Variants in FREM3 observed in about 807,000 individuals in gnomAD.
FREM3 encodes the protein FRAS1 related extracellular matrix 3, also known as FRAS1-related extracellular matrix protein 3.
Under a neutral mutation model 129.1 loss-of-function variants are expected in FREM3, and 105 were observed. That is an observed-to-expected ratio of 0.81 (90% CI 0.69 to 0.96). The LOEUF (loss-of-function observed/expected upper bound fraction) is 0.96, where lower values mean the gene tolerates loss of function less well. Among genes scored for constraint, FREM3 ranks in the 40% least tolerant of loss-of-function variants. FREM3 has a pLI of 0.00. For missense variants in FREM3, 2,593 were observed against 2,666.3 expected, an observed-to-expected ratio of 0.97 and a Z score of 0.61; for synonymous variants, 1,014 against 1,044.9, an observed-to-expected ratio of 0.97 and a Z score of 0.57.
At chr4:143,685,908 A>G (rs766245174) in intron 2 of FREM3, among the ~76,000 whole-genome samples, 2 of 152,170 alleles carry the variant, frequency 1.3e-5, no homozygotes, top group African/African-American at 4.8e-5. Context: ...GAAATACCTA[A>G]TGTAGATGAT....
intron 2 of FREM3, among the ~76,000 whole-genome samples, chr4:143,683,111 C>T (rs904978472): frequency 2.0e-5 from 3 of 152,168 alleles, no homozygotes; most frequent in African/African-American, 7.2e-5. Flanking sequence ...ACCCTAAAGT[C>T]GCACAAGAAC....
At chr4:143,622,091 CTTTT>C (rs35974796) in intron 4 of FREM3, among the ~76,000 whole-genome samples, 3 of 137,338 alleles carry the variant, frequency 2.2e-5, no homozygotes, top group Admixed American at 7.3e-5. Context: ...AGGCAATCAC[CTTTT>C]TTTTTTTTTT....
At chr4:143,634,857 G>A (rs1021208738) in intron 2 of FREM3, among the ~76,000 whole-genome samples, 4 of 152,052 alleles carry the variant, frequency 2.6e-5, no homozygotes, top group African/African-American at 9.7e-5. Flanking sequence ...GGGATGAGGG[G>A]ATGTCACTGT....
At chr4:143,646,073 G>T (rs1443830942) in intron 2 of FREM3, among the ~76,000 whole-genome samples, 3 of 152,060 alleles carry the variant, frequency 2.0e-5, no homozygotes, top group African/African-American at 7.2e-5. Flanking sequence ...TACCTAATTT[G>T]CCTAAAGCAC....
At chr4:143,626,593 C>A (rs918023462) in intron 3 of FREM3, among the ~76,000 whole-genome samples, 4 of 152,100 alleles carry the variant, frequency 2.6e-5, no homozygotes, top group African/African-American at 9.7e-5. Flanking sequence ...AGGAGGGAGG[C>A]ATATTTCAGC....
Position 143,624,863 on chromosome 4 carries a change from C to A in FREM3, c.5423-525G>T, listed in dbSNP as rs1266503303. ...TTGTATCTGATAATTTCAATTTCTG[C>A]AGCCTTTGGAAGACTGACCCTGAAG... On this transcript the variant is annotated intron_variant, in intron 3 of 7. Coordinates refer to ENST00000329798, the MANE Select transcript of FREM3 (RefSeq NM_001168235.2). Among the ~76,000 whole-genome samples, 3 of 152,142 alleles carry A rather than the reference C, an allele frequency of 2.0e-5. No individual in the cohort carries two copies. In the East Asian group the frequency reaches 5.8e-4, roughly 29 times the overall value.
Position 143,577,501 on chromosome 4 carries a change from G to T in FREM3, c.*110C>A, listed in dbSNP as rs1171512325. The T allele has an allele frequency of 1.0e-6, 1 of 996,894 alleles. No individual in the cohort carries two copies. The highest frequency in any genetic ancestry group is 1.4e-6 in the Non-Finnish European group (1 of 694,328). The allele number at this position is 996,894 out of a possible 1,614,324, so 61.8% of individuals were successfully genotyped here. A position where few individuals can be genotyped will look rare whatever the true frequency, so the allele number is the denominator to read the frequency against. On this transcript the variant is annotated 3_prime_UTR_variant, in exon 8 of 8. Coordinates refer to ENST00000329798, the MANE Select transcript of FREM3 (RefSeq NM_001168235.2). ...CATATCACCAGAATATAACACCAAT[G>T]ACAGTACAATATCACTGATATCCCA...
chr4:143,663,605 G>T (rs2149853284), intron 2 of FREM3, among the ~76,000 whole-genome samples: 1 of 152,158 alleles, frequency 6.6e-6, no homozygotes, highest in South Asian at 2.1e-4. Flanking sequence ...GGCATTCTCT[G>T]TATTTCCTGA....
At chr4:143,639,169 A>G (rs147153772) in intron 2 of FREM3, among the ~76,000 whole-genome samples, 12 of 152,288 alleles carry the variant, frequency 7.9e-5, no homozygotes, top group African/African-American at 2.9e-4. Context: ...CTTCACCCGC[A>G]GAAATCATAG....
chr4:143,638,732 A>G (rs2149845666), intron 2 of FREM3, among the ~76,000 whole-genome samples: 1 of 152,250 alleles, frequency 6.6e-6, no homozygotes, highest in Non-Finnish European at 1.5e-5. Flanking sequence ...TCTACCAATT[A>G]AACATACTGT....
intron 6 of FREM3, among the ~76,000 whole-genome samples, chr4:143,586,378 G>A (rs1738244646): frequency 6.6e-6 from 1 of 152,136 alleles, no homozygotes; most frequent in Non-Finnish European, 1.5e-5. Context: ...TTTTTGGCAG[G>A]GAGAAAATTG....
intron 6 of FREM3, among the ~76,000 whole-genome samples, chr4:143,608,679 A>G (rs1194461127): frequency 6.6e-6 from 1 of 152,212 alleles, no homozygotes. Context: ...CTTGCTTATC[A>G]AAATGTAACT....
chr4:143,609,564 G>A (rs952979517), intron 6 of FREM3, among the ~76,000 whole-genome samples: 5 of 151,978 alleles, frequency 3.3e-5, no homozygotes, highest in Non-Finnish European at 7.4e-5. Context: ...TGTAGCACTC[G>A]GTGTGGGTAA....
intron 2 of FREM3, among the ~76,000 whole-genome samples, chr4:143,661,316 C>T (rs908172422): frequency 6.6e-6 from 1 of 152,150 alleles, no homozygotes; most frequent in African/African-American, 2.4e-5. Flanking sequence ...TGAATTTTGT[C>T]AAAGGCCTTT....
rs1740640413 is a variant in FREM3 at position 143,699,139 on chromosome 4, A to G, written c.1537T>C (p.Tyr513His). The G allele has an allele frequency of 6.5e-7, 1 of 1,537,360 alleles. No homozygotes were observed. Among genetic ancestry groups the G allele is most frequent in the Non-Finnish European group, 8.7e-7 (1 of 1,146,940 alleles). Residue 513 changes from tyrosine (Y) to histidine (H), a missense_variant, in exon 1 of 8, where the codon TAC becomes CAC. This residue lies in a region of FREM3 where 2,276 missense variants were observed against 2,267.2 expected (regional missense o/e 1.00). Transcript: ENST00000329798. This position sits in a 1 kb window ranked among gnomAD's most constrained non-coding sequence, Gnocchi z 4.2. ...ATCCGGAAGATGATATTGTCACTGT[A>G]GGTGTTGCTGCCATCATGCTGATAC... ...VVYQHDGSNT[Y>H]SDNIIFRMED...
chr4:143,676,702 T>G (rs1482298306), intron 2 of FREM3, among the ~76,000 whole-genome samples: 2 of 152,140 alleles, frequency 1.3e-5, no homozygotes, highest in Non-Finnish European at 2.9e-5. Flanking sequence ...AGTCTCAGGA[T>G]ACAAAATCAG....
At chr4:143,593,842 A>G (rs1462534478) in intron 6 of FREM3, among the ~76,000 whole-genome samples, 3 of 152,190 alleles carry the variant, frequency 2.0e-5, no homozygotes, top group Non-Finnish European at 2.9e-5. Context: ...GGTGGAGTCT[A>G]CAGAGGCAGG....
intron 2 of FREM3, among the ~76,000 whole-genome samples, chr4:143,675,637 C>T (rs1393129073): frequency 6.6e-6 from 1 of 152,096 alleles, no homozygotes; most frequent in Non-Finnish European, 1.5e-5. Flanking sequence ...AATTGATAGA[C>T]TGCTAGAAGG....
chr4:143,626,843 C>T (rs898825264), intron 3 of FREM3, among the ~76,000 whole-genome samples: 2 of 152,152 alleles, frequency 1.3e-5, no homozygotes, highest in Non-Finnish European at 2.9e-5. Context: ...TTTTGATATA[C>T]TGCCTCGGCT....
Sources: gnomAD v4.1 joint callset for allele counts (sites outside exome capture counted in the v4.1 genomes callset) on GRCh38, gnomAD v4.1.1 for gene constraint, gnomAD v4.1.1 regional missense constraint, Gnocchi (gnomAD v3.1) non-coding constraint, MANE v1.5 for transcripts, NCBI Gene and HGNC (gene_info 2026-07-23, HGNC 2026-07-21) for gene names.